The following ADAMTSL1 variants were observed in gnomAD, a reference collection of about 807,000 sequenced individuals.
The protein encoded by ADAMTSL1 is ADAMTS-like protein 1.
In ADAMTSL1, 126 loss-of-function variants were observed where a neutral mutation model predicts 201.8. That is an observed-to-expected ratio of 0.62 (90% CI 0.54 to 0.72). ADAMTSL1 has a LOEUF of 0.72. ADAMTSL1 is among the 30% of genes least tolerant of loss of function. ADAMTSL1 has a pLI of 0.00. For missense variants in ADAMTSL1, 2,679 were observed against 2,277.8 expected (o/e 1.18, Z -3.59); for synonymous variants, 1,121 against 903.4 (o/e 1.24, Z -4.32).
At chr9:18,548,568 G>T (rs1820611714) in intron 3 of ADAMTSL1, among the ~76,000 whole-genome samples, 2 of 152,062 alleles carry the variant, frequency 1.3e-5, no homozygotes, top group Non-Finnish European at 2.9e-5. Context: ...ATTAAATAAG[G>T]TTATCTACAG....
chr9:18,117,636 G>A (rs1677781062), intron 1 of ADAMTSL1, among the ~76,000 whole-genome samples: 1 of 152,096 alleles, frequency 6.6e-6, no homozygotes, highest in Admixed American at 6.5e-5. Context: ...CCTAACAAAT[G>A]CTGGAACTTA....
chr9:18,479,520 T>A (rs1249413869), intron 1 of ADAMTSL1, among the ~76,000 whole-genome samples: 1 of 152,244 alleles, frequency 6.6e-6, no homozygotes, highest in Non-Finnish European at 1.5e-5. Flanking sequence ...TATAGCTATG[T>A]GTACAGTCAG....
At chr9:18,524,385 A>G (rs1818899653) in intron 2 of ADAMTSL1, among the ~76,000 whole-genome samples, 1 of 152,218 alleles carries the variant, frequency 6.6e-6, no homozygotes, top group African/African-American at 2.4e-5. Context: ...GTCATCTGCA[A>G]ACAGGGACAA....
At chr9:17,967,623 G>C (rs948339012) in intron 1 of ADAMTSL1, among the ~76,000 whole-genome samples, 1 of 152,022 alleles carries the variant, frequency 6.6e-6, no homozygotes, top group African/African-American at 2.4e-5. Context: ...GCCATAGTTA[G>C]TCTTTTAGTT....
At chr9:17,932,299 C>G (rs1464245617) in intron 1 of ADAMTSL1, among the ~76,000 whole-genome samples, 1 of 152,176 alleles carries the variant, frequency 6.6e-6, no homozygotes, top group Admixed American at 6.5e-5. Context: ...CGGTTGGCCA[C>G]CTTTCCATCA....
chr9:18,116,024 G>A (rs891056822), intron 1 of ADAMTSL1, among the ~76,000 whole-genome samples: 13 of 152,146 alleles, frequency 8.5e-5, no homozygotes, highest in Non-Finnish European at 1.5e-4. Flanking sequence ...TGTGGAGATA[G>A]CCATGTACCA....
chr9:18,824,004 GGAAGGAAGGAAGGAAA>G (rs1563831655), intron 21 of ADAMTSL1, among the ~76,000 whole-genome samples: 1 of 150,404 alleles, frequency 6.6e-6, no homozygotes, highest in African/African-American at 2.5e-5. Context: ...AGAAAGAAAA[GGAAGGAAGGAAGGAAA>G]GAAGGAAGGA....
chr9:18,016,792 G>T (rs922077009), intron 1 of ADAMTSL1, among the ~76,000 whole-genome samples: 3 of 151,990 alleles, frequency 2.0e-5, no homozygotes, highest in African/African-American at 4.8e-5. Flanking sequence ...GCAGAATATG[G>T]TCCCTGCGTT....
At chr9:18,036,940 G>A (rs191046461) in intron 1 of ADAMTSL1, among the ~76,000 whole-genome samples, 59 of 152,200 alleles carry the variant, frequency 3.9e-4, no homozygotes, top group Non-Finnish European at 5.9e-4. Flanking sequence ...TGGTATTATT[G>A]GATGTGCATC....
chr9:18,154,492 C>G (rs1827062364), intron 1 of ADAMTSL1, among the ~76,000 whole-genome samples: 1 of 152,048 alleles, frequency 6.6e-6, no homozygotes, highest in South Asian at 2.1e-4. Context: ...AGGACATTTC[C>G]TATTCCACCC....
chr9:18,626,558 T>C (rs1826369612), intron 5 of ADAMTSL1, among the ~76,000 whole-genome samples: 1 of 152,270 alleles, frequency 6.6e-6, no homozygotes, highest in South Asian at 2.1e-4. Context: ...GAGAAAATGA[T>C]ATGAGGCTGG....
intron 1 of ADAMTSL1, among the ~76,000 whole-genome samples, chr9:18,110,715 G>C: frequency 6.6e-6 from 1 of 152,154 alleles, no homozygotes; most frequent in Non-Finnish European, 1.5e-5. Context: ...CTTTATGCCT[G>C]CTAGGAAAAG....
At chr9:18,108,283 C>T (rs1019585148) in intron 1 of ADAMTSL1, among the ~76,000 whole-genome samples, 6 of 151,242 alleles carry the variant, frequency 4.0e-5, no homozygotes, top group Non-Finnish European at 8.8e-5. Context: ...TCACAGCAGC[C>T]CCAACCTCCA....
Position 18,626,112 on chromosome 9 carries a change from C to A in ADAMTSL1, c.601+3743C>A, listed in dbSNP as rs1306644376. ...CTGCCCCTGGCTGCTTTGGGCTATC[C>A]TCACAAGCCACTCAAGGATATATTC... is the stretch of plus-strand genomic sequence containing the variant. On this transcript the variant is annotated intron_variant, in intron 5 of 28. Transcript: ENST00000380548. Among the ~76,000 whole-genome samples, 10 of 152,290 alleles carry A rather than the reference C, an allele frequency of 6.6e-5. No homozygotes were observed. In the East Asian group the frequency reaches 1.7e-3, roughly 26 times the overall value.
At chr9:18,884,603 AT>A (rs1828741144) in intron 23 of ADAMTSL1, among the ~76,000 whole-genome samples, 1 of 152,094 alleles carries the variant, frequency 6.6e-6, no homozygotes, top group Non-Finnish European at 1.5e-5. Flanking sequence ...AGTGTAAGTC[AT>A]TTGTTCACAT....
intron 23 of ADAMTSL1, among the ~76,000 whole-genome samples, chr9:18,844,956 C>G (rs1474844650): frequency 6.6e-6 from 1 of 152,216 alleles, no homozygotes. Flanking sequence ...CTTTCTTTGA[C>G]TAAGAAAGGG....
chr9:18,166,019 C>A (rs1295488537), intron 2 of ADAMTSL1, among the ~76,000 whole-genome samples: 2 of 151,854 alleles, frequency 1.3e-5, no homozygotes, highest in African/African-American at 4.8e-5. Context: ...CAACAAGAAA[C>A]CTTCCTGGTA....
intron 2 of ADAMTSL1, among the ~76,000 whole-genome samples, chr9:18,391,575 C>T (rs1267184266): frequency 1.3e-5 from 2 of 152,038 alleles, no homozygotes; most frequent in South Asian, 2.1e-4. Context: ...ATATCAGTAA[C>T]TGAAATATGG....
chr9:18,537,820 G>T (rs1215795786), intron 3 of ADAMTSL1, among the ~76,000 whole-genome samples: 1 of 150,594 alleles, frequency 6.6e-6, no homozygotes, highest in East Asian at 2.0e-4. Flanking sequence ...GTTGCAGTGA[G>T]CCTTGTTTAC....
Sources: allele counts gnomAD v4.1 joint callset (sites outside exome capture counted in the v4.1 genomes callset), GRCh38; gene constraint gnomAD v4.1.1; transcripts MANE v1.5; gene names NCBI Gene and HGNC (gene_info 2026-07-23, HGNC 2026-07-21).